RGS8: variants seen among roughly 807,000 people sequenced by gnomAD.
The protein encoded by RGS8 is regulator of G-protein signaling 8.
In RGS8, 8 loss-of-function variants were observed where a neutral mutation model predicts 21.7. The ratio of observed to expected loss-of-function variants is 0.37; its 90% CI spans 0.22 to 0.66. The LOEUF (loss-of-function observed/expected upper bound fraction) is 0.66. RGS8 is among the 30% of genes least tolerant of loss of function. The pLI is 0.59. For synonymous variants in RGS8, 80 were observed against 83.6 expected (o/e 0.96, Z 0.24); for missense variants, 157 against 217.9 (o/e 0.72, Z 1.76).
At chr1:182,715,137 C>T in the RGS8 span, among the ~76,000 whole-genome samples, 1 of 152,180 alleles carries the variant, frequency 6.6e-6, no homozygotes. Context: ...CTGAAAGTGG[C>T]TTACCCATCA....
chr1:182,681,271 A>C (rs924896135), intron 1 of RGS8, among the ~76,000 whole-genome samples: 1 of 152,010 alleles, frequency 6.6e-6, no homozygotes. Flanking sequence ...TCACAACTGA[A>C]ATGTGGCTTT....
At chr1:182,718,323 T>C in the RGS8 span, among the ~76,000 whole-genome samples, 1 of 152,184 alleles carries the variant, frequency 6.6e-6, no homozygotes, top group Non-Finnish European at 1.5e-5. Flanking sequence ...AGAAACAGAA[T>C]TGATTCAGCA....
the RGS8 span, among the ~76,000 whole-genome samples, chr1:182,730,398 T>C: frequency 6.6e-6 from 1 of 152,058 alleles, no homozygotes; most frequent in Non-Finnish European, 1.5e-5. Flanking sequence ...TAGCAGAGTT[T>C]GGCTGGGTTT....
At chr1:182,717,647 AC>A in the RGS8 span, among the ~76,000 whole-genome samples, 1 of 152,092 alleles carries the variant, frequency 6.6e-6, no homozygotes, top group South Asian at 2.1e-4. Context: ...GCCCACTGTC[AC>A]CCTTGGTTCC....
upstream of RGS8, among the ~76,000 whole-genome samples, chr1:182,674,210 C>A (rs1163604379): frequency 6.6e-6 from 1 of 152,084 alleles, no homozygotes; most frequent in African/African-American, 2.4e-5. Context: ...GGGTAAAGGC[C>A]CCAAGGAAAG....
chr1:182,750,947 AT>A, the RGS8 span, among the ~76,000 whole-genome samples: 2 of 152,246 alleles, frequency 1.3e-5, no homozygotes, highest in Non-Finnish European at 2.9e-5. Context: ...GTTATTTCTG[AT>A]TTGGCTTTAA....
At chr1:182,729,641 A>T in the RGS8 span, among the ~76,000 whole-genome samples, 1 of 152,212 alleles carries the variant, frequency 6.6e-6, no homozygotes, top group African/African-American at 2.4e-5. Context: ...ACTGATAAGT[A>T]ATTTTTGCAC....
chr1:182,662,995 C>T (rs1663672768), intron 5 of RGS8, among the ~76,000 whole-genome samples: 1 of 151,976 alleles, frequency 6.6e-6, no homozygotes, highest in Non-Finnish European at 1.5e-5. Context: ...AAATAGAAAT[C>T]TTAAGGGGGA....
At chr1:182,671,586 AAAT>A in intron 2 of RGS8, 68 bp downstream of exon 3, 2 of 1,363,154 alleles carry the variant, frequency 1.5e-6, no homozygotes, top group Non-Finnish European at 2.1e-6. Flanking sequence ...CAAGTTAATT[AAAT>A]ATGGATAATG....
the RGS8 span, among the ~76,000 whole-genome samples, chr1:182,724,203 T>TAC: frequency 1.1e-4 from 2 of 18,002 alleles, no homozygotes; most frequent in African/African-American, 3.8e-4. Context: ...CTAGACTGGA[T>TAC]ATATATATAT....
At chr1:182,742,410 C>T in the RGS8 span, among the ~76,000 whole-genome samples, 37 of 152,062 alleles carry the variant, frequency 2.4e-4, no homozygotes, top group Non-Finnish European at 4.6e-4. Context: ...GAGGTTGTAG[C>T]GAGCCGAGAT....
intron 3 of RGS8, among the ~76,000 whole-genome samples, chr1:182,667,565 A>T (rs2102437940): frequency 6.6e-6 from 1 of 152,362 alleles, no homozygotes; most frequent in Non-Finnish European, 1.5e-5. Flanking sequence ...AATTGGTACA[A>T]TCAGCAATTA....
chr1:182,672,889 T>A, upstream of RGS8: 1 of 1,608,062 alleles, frequency 6.2e-7, no homozygotes, highest in Non-Finnish European at 8.5e-7. Context: ...CCTAGTGTAG[T>A]GGTTCTCCAA....
the RGS8 span, among the ~76,000 whole-genome samples, chr1:182,751,420 A>C: frequency 6.6e-6 from 1 of 152,208 alleles, no homozygotes; most frequent in Non-Finnish European, 1.5e-5. Context: ...TACCAGGGTC[A>C]TGTACAGTGT....
intron 5 of RGS8, among the ~76,000 whole-genome samples, chr1:182,657,379 T>C (rs1451076920): frequency 7.9e-5 from 12 of 152,236 alleles, no homozygotes; most frequent in African/African-American, 2.6e-4. Flanking sequence ...CCATGAACTG[T>C]AGTTGGTTCC....
chr1:182,738,397 C>A, the RGS8 span, among the ~76,000 whole-genome samples: 13 of 151,992 alleles, frequency 8.6e-5, no homozygotes, highest in South Asian at 8.3e-4. Flanking sequence ...ATCAAATGAC[C>A]AATAAATAGT....
intron 6 of RGS8, among the ~76,000 whole-genome samples, 193 bp from the exon 8 acceptor site, chr1:182,647,110 T>G (rs1662739036): frequency 6.6e-6 from 1 of 152,244 alleles, no homozygotes; most frequent in East Asian, 1.9e-4. Flanking sequence ...AGACCAGATA[T>G]TCTCAGTCCC....
At chr1:182,657,645 C>A (rs546700188) in intron 5 of RGS8, among the ~76,000 whole-genome samples, 1 of 152,304 alleles carries the variant, frequency 6.6e-6, no homozygotes, top group East Asian at 1.9e-4. Flanking sequence ...CTCTAACCCA[C>A]ACCAGCTAAG....
At chr1:182,717,837 T>C in the RGS8 span, among the ~76,000 whole-genome samples, 1 of 152,236 alleles carries the variant, frequency 6.6e-6, no homozygotes, top group Non-Finnish European at 1.5e-5. Context: ...CAGTAGTTAC[T>C]AATTAAATAT....
Sources: gnomAD v4.1 joint callset for allele counts (sites outside exome capture counted in the v4.1 genomes callset) on GRCh38, gnomAD v4.1.1 for gene constraint, MANE v1.5 for transcripts, NCBI Gene and HGNC (gene_info 2026-07-23, HGNC 2026-07-21) for gene names.